RNLS: variants seen among roughly 807,000 people sequenced by gnomAD.
RNLS encodes renalase.
A neutral mutation model predicts 39.8 loss-of-function variants in RNLS; 39 were observed. The observed-to-expected ratio is 0.98, with a 90% CI of 0.76 to 1.28. The LOEUF is 1.28. Ranked by LOEUF, RNLS falls within the 50% of genes most tolerant of loss-of-function variation. The pLI is 0.00. For synonymous variants in RNLS, 147 were observed against 150.7 expected, an observed-to-expected ratio of 0.98 and a Z score of 0.18; for missense variants, 410 against 413.3, an observed-to-expected ratio of 0.99 and a Z score of 0.07.
chr10:88,506,249 A>G (rs1425185984), intron 4 of RNLS, among the ~76,000 whole-genome samples: 1 of 152,164 alleles, frequency 6.6e-6, no homozygotes, highest in Admixed American at 6.6e-5. Context: ...AACTAAAAAG[A>G]CATAACAACC....
At chr10:88,365,373 GCAAAA>G (rs1849984357) in intron 4 of RNLS, among the ~76,000 whole-genome samples, 1 of 61,892 alleles carries the variant, frequency 1.6e-5, no homozygotes, top group Non-Finnish European at 3.1e-5. Context: ...ATTTTGGCAA[GCAAAA>G]CAATATTCTT....
chr10:88,220,168 A>G, the RNLS span, among the ~76,000 whole-genome samples: 8 of 152,348 alleles, frequency 5.3e-5, no homozygotes, highest in Admixed American at 5.2e-4. Context: ...AAAGAGGACA[A>G]TGCTGGTGCC....
intron 4 of RNLS, among the ~76,000 whole-genome samples, chr10:88,469,919 TATATATAC>T (rs1564825062): frequency 1.5e-5 from 2 of 132,488 alleles, no homozygotes; most frequent in East Asian, 2.5e-4. Context: ...CATACATACA[TATATATAC>T]AAAGTATATG....
At chr10:88,183,765 C>T in the RNLS span, among the ~76,000 whole-genome samples, 1 of 152,122 alleles carries the variant, frequency 6.6e-6, no homozygotes, top group Non-Finnish European at 1.5e-5. Context: ...TGTTTATCCC[C>T]ATTCCCTGAT....
At chr10:88,397,272 C>A (rs551214643) in intron 4 of RNLS, among the ~76,000 whole-genome samples, 3 of 151,784 alleles carry the variant, frequency 2.0e-5, no homozygotes, top group Non-Finnish European at 4.4e-5. Context: ...AAAGCATGTT[C>A]CCTGGTAGCA....
chr10:88,490,696 C>A (rs1018138040), intron 4 of RNLS, among the ~76,000 whole-genome samples: 2 of 152,156 alleles, frequency 1.3e-5, no homozygotes, highest in African/African-American at 4.8e-5. Context: ...TTTCTTCTCA[C>A]CTAAAACAGG....
chr10:88,482,807 T>C (rs1319070143), intron 4 of RNLS, among the ~76,000 whole-genome samples: 2 of 152,160 alleles, frequency 1.3e-5, no homozygotes, highest in African/African-American at 4.8e-5. Flanking sequence ...GTAGTTGTTG[T>C]TTTTTATTGT....
At chr10:88,377,241 T>TACAC (rs202223419) in intron 4 of RNLS, among the ~76,000 whole-genome samples, 1 of 42,068 alleles carries the variant, frequency 2.4e-5, no homozygotes, top group East Asian at 3.2e-4. Flanking sequence ...CACACACATA[T>TACAC]ACACACACAC....
chr10:88,174,050 T>C, the RNLS span, among the ~76,000 whole-genome samples: 2 of 152,154 alleles, frequency 1.3e-5, no homozygotes, highest in Non-Finnish European at 1.5e-5. Context: ...CTTTTTCAGC[T>C]AGTTCATTAT....
chr10:88,185,197 C>A, the RNLS span, among the ~76,000 whole-genome samples: 1 of 152,060 alleles, frequency 6.6e-6, no homozygotes, highest in African/African-American at 2.4e-5. Context: ...ACTGGATTTT[C>A]CTTTTACCAT....
At chr10:88,581,029 T>G (rs1164670126) in intron 3 of RNLS, among the ~76,000 whole-genome samples, 3 of 152,056 alleles carry the variant, frequency 2.0e-5, no homozygotes, top group African/African-American at 7.2e-5. Context: ...CATCAATGTT[T>G]GTATTAGCAA....
At chr10:88,311,131 AAG>A (rs1430908559) in intron 6 of RNLS, among the ~76,000 whole-genome samples, 6 of 152,306 alleles carry the variant, frequency 3.9e-5, no homozygotes, top group East Asian at 1.9e-4. Context: ...GAATTGAAGA[AAG>A]AGGGGGAAAA....
the RNLS span, among the ~76,000 whole-genome samples, chr10:88,192,009 G>A: frequency 6.6e-6 from 1 of 151,704 alleles, no homozygotes; most frequent in Non-Finnish European, 1.5e-5. Context: ...TGATGAAAGA[G>A]TTTATTTAAA....
chr10:88,482,949 C>T lies in RNLS; in HGVS notation c.526+89954G>A, dbSNP rs137981264. The stretch of plus-strand genomic sequence containing the variant: ...TCCTTCCCTCCCTCACTCCTTCCTT[C>T]CTCCCTTTCTCCTTCTTTTCCTTCC... On this transcript the variant is annotated intron_variant, in intron 4 of 6. Transcript: ENST00000331772. 4.2e-3 allele frequency among the ~76,000 whole-genome samples: 634 copies of T among 151,920 alleles called. 5 individuals carry two copies. Among genetic ancestry groups the T allele is most frequent in the African/African-American group, 0.015 (606 of 41,472 alleles).
chr10:88,572,879 G>C, intron 4 of RNLS, 24 bp downstream of exon 4: 1 of 1,608,878 alleles, frequency 6.2e-7, no homozygotes, highest in Non-Finnish European at 8.5e-7. Flanking sequence ...CCCTGAGGCA[G>C]GTAAATGGCA....
At chr10:88,275,818 G>T (rs75465024) in intron 6 of RNLS, among the ~76,000 whole-genome samples, 8,120 of 152,156 alleles carry the variant, frequency 0.053, 280 homozygotes, top group African/African-American at 0.093. Flanking sequence ...ACTTTGGGAG[G>T]CTGAGGCAAG....
chr10:88,331,040 A>C (rs1403010362), intron 5 of RNLS, among the ~76,000 whole-genome samples: 1 of 152,216 alleles, frequency 6.6e-6, no homozygotes, highest in African/African-American at 2.4e-5. Flanking sequence ...GATATAAGGA[A>C]AAAATTAACT....
intron 4 of RNLS, among the ~76,000 whole-genome samples, chr10:88,507,968 A>C (rs1845888687): frequency 6.6e-6 from 1 of 152,142 alleles, no homozygotes; most frequent in Non-Finnish European, 1.5e-5. Context: ...TAGTGAGAGG[A>C]GTTAATTAGT....
chr10:88,409,882 T>A (rs2133693846), intron 4 of RNLS, among the ~76,000 whole-genome samples: 1 of 152,270 alleles, frequency 6.6e-6, no homozygotes, highest in Middle Eastern at 3.4e-3. Flanking sequence ...GTTTTAATAT[T>A]CATTGTTAAT....
Sources: allele counts gnomAD v4.1 joint callset (sites outside exome capture counted in the v4.1 genomes callset), GRCh38; gene constraint gnomAD v4.1.1; transcripts MANE v1.5; gene names NCBI Gene and HGNC (gene_info 2026-07-23, HGNC 2026-07-21).